The following PPP4R2 variants were observed in gnomAD, a reference collection of about 807,000 sequenced individuals.
PPP4R2 encodes serine/threonine-protein phosphatase 4 regulatory subunit 2.
A neutral mutation model predicts 47.2 loss-of-function variants in PPP4R2; 13 were observed. The observed-to-expected ratio is 0.28, with a 90% confidence interval of 0.18 to 0.44. The LOEUF (loss-of-function observed/expected upper bound fraction) is 0.44. Among genes scored for constraint, PPP4R2 ranks in the 20% least tolerant of loss-of-function variants. The pLI is 1.00. For synonymous variants in PPP4R2, 151 were observed against 163.3 expected (o/e 0.92, Z 0.57); for missense variants, 421 against 491.2 (o/e 0.86, Z 1.35).
At chr3:73,010,222 T>G (rs1701694986) in intron 2 of PPP4R2, among the ~76,000 whole-genome samples, 1 of 150,776 alleles carries the variant, frequency 6.6e-6, no homozygotes, top group Admixed American at 6.6e-5. Context: ...ATAGAAAACT[T>G]TTTTGTTTTG....
intron 2 of PPP4R2, among the ~76,000 whole-genome samples, chr3:73,045,576 G>A (rs1203094135): frequency 2.7e-5 from 4 of 148,044 alleles, no homozygotes; most frequent in Non-Finnish European, 5.9e-5. Flanking sequence ...CCGGGCTGGC[G>A]TGCAGTGATG....
chr3:73,065,284 G>A (rs1200059660), intron 8 of PPP4R2, 113 bp from the exon 9 acceptor site: 7 of 1,306,284 alleles, frequency 5.4e-6, no homozygotes, highest in Non-Finnish European at 7.2e-6. Flanking sequence ...TGTAGTTGCT[G>A]CTGAATTTCA....
intron 2 of PPP4R2, among the ~76,000 whole-genome samples, chr3:73,041,491 CTGAT>C (rs1559560354): frequency 6.6e-6 from 1 of 152,198 alleles, no homozygotes; most frequent in African/African-American, 2.4e-5. Context: ...TTTAAGTCAT[CTGAT>C]TGAAATATCT....
intron 2 of PPP4R2, among the ~76,000 whole-genome samples, chr3:73,010,316 G>T (rs574550988): frequency 2.0e-5 from 3 of 152,014 alleles, no homozygotes; most frequent in Non-Finnish European, 4.4e-5. Context: ...TTGACCTCCC[G>T]GGCTTAAATG....
chr3:73,004,893 G>T (rs1477726047), intron 2 of PPP4R2, among the ~76,000 whole-genome samples: 1 of 147,238 alleles, frequency 6.8e-6, no homozygotes, highest in Non-Finnish European at 1.5e-5. Context: ...TTGTGTGTGT[G>T]TGTTTTGAGT....
rs186081195 is a variant in PPP4R2, at chr3:73,000,593, T to C, written c.116+2435T>C. On this transcript the variant is annotated intron_variant, in intron 2 of 8. Coordinates refer to ENST00000356692, the MANE Select transcript of PPP4R2 (RefSeq NM_174907.4). ...GCCGTAGGAAAAATTTGAACATTTT[T>C]ACTTCTTAGTCTATTAAAATTACCT... is the stretch of plus-strand genomic sequence containing the variant. Among the ~76,000 whole-genome samples, 1,404 of 152,344 alleles carry C rather than the reference T, an allele frequency of 9.2e-3. 11 individuals carry two copies. The highest frequency in any genetic ancestry group is 0.015 in the Non-Finnish European group (997 of 68,028).
intron 2 of PPP4R2, among the ~76,000 whole-genome samples, chr3:73,001,102 A>T (rs1363601238): frequency 6.6e-6 from 1 of 152,122 alleles, no homozygotes; most frequent in African/African-American, 2.4e-5. Context: ...GATATTTCTC[A>T]AGAAGACCTG....
At position 73,052,543 on chromosome 3, in the gene PPP4R2, G is replaced by C. The variant is rs564704750; in HGVS notation, c.287+5187G>C. 5.3e-5 allele frequency among the ~76,000 whole-genome samples: 8 copies of C among 150,788 alleles called. No individual in the cohort carries two copies. The East Asian group carries it at 1.6e-3, about 29-fold the overall frequency. On this transcript the variant is annotated intron_variant, in intron 3 of 8. Coordinates refer to ENST00000356692, the MANE Select transcript of PPP4R2 (RefSeq NM_174907.4). ...AATATAATTTAGGAATTGCTAATAGGTAATGGTTCATTCCTATAATGGTAT... is the reference window on the plus strand; with the variant it reads ...AATATAATTTAGGAATTGCTAATAGCTAATGGTTCATTCCTATAATGGTAT...
intron 3 of PPP4R2, among the ~76,000 whole-genome samples, chr3:73,050,619 T>A (rs1041402157): frequency 1.3e-5 from 2 of 152,202 alleles, no homozygotes; most frequent in Non-Finnish European, 2.9e-5. Flanking sequence ...AGATCCCCAC[T>A]GTTACAGAAG....
intron 3 of PPP4R2, among the ~76,000 whole-genome samples, chr3:73,048,087 G>A (rs963572375): frequency 1.3e-5 from 2 of 152,132 alleles, no homozygotes. Context: ...ATGTTAGCCA[G>A]GATGGTCTCG....
At chr3:73,034,792 C>T (rs1200483220) in intron 2 of PPP4R2, among the ~76,000 whole-genome samples, 1 of 151,638 alleles carries the variant, frequency 6.6e-6, no homozygotes, top group Non-Finnish European at 1.5e-5. Context: ...CTCAGCCTTC[C>T]AAAGTGTTGG....
chr3:73,023,805 T>C (rs1157227069), intron 2 of PPP4R2, among the ~76,000 whole-genome samples: 1 of 152,172 alleles, frequency 6.6e-6, no homozygotes. Flanking sequence ...AATGAAAGTA[T>C]ACTTGAGCAA....
At chr3:73,002,527 T>G (rs1701490787) in intron 2 of PPP4R2, among the ~76,000 whole-genome samples, 2 of 151,954 alleles carry the variant, frequency 1.3e-5, no homozygotes, top group Non-Finnish European at 2.9e-5. Context: ...TTACAAAGCA[T>G]GAGCCATTGC....
intron 2 of PPP4R2, among the ~76,000 whole-genome samples, chr3:73,013,548 TAC>T (rs1400834426): frequency 2.6e-5 from 4 of 152,168 alleles, no homozygotes; most frequent in Non-Finnish European, 5.9e-5. Flanking sequence ...GAATGTTCTG[TAC>T]ACATAAGTGT....
At chr3:73,055,504 G>T (rs2107326534) in intron 3 of PPP4R2, among the ~76,000 whole-genome samples, 1 of 151,050 alleles carries the variant, frequency 6.6e-6, no homozygotes, top group Non-Finnish European at 1.5e-5. Flanking sequence ...TAATGTGTGG[G>T]GCGGGGGGTT....
At chr3:73,036,749 G>A (rs778314518) in intron 2 of PPP4R2, among the ~76,000 whole-genome samples, 2 of 151,982 alleles carry the variant, frequency 1.3e-5, no homozygotes, top group African/African-American at 4.8e-5. Context: ...TATTACTTAC[G>A]TGATTGGCAT....
At position 73,037,884 on chromosome 3, in the gene PPP4R2, A is replaced by G. The variant is rs531798992; in HGVS notation, c.117-9302A>G. 6.6e-5 allele frequency among the ~76,000 whole-genome samples: 10 copies of G among 152,296 alleles called. 1 individual carries two copies. Among genetic ancestry groups the G allele is most frequent in the African/African-American group, 2.4e-4 (10 of 41,562 alleles). On this transcript the variant is annotated intron_variant, in intron 2 of 8. Coordinates refer to ENST00000356692, the MANE Select transcript of PPP4R2 (RefSeq NM_174907.4). ...TAATATCTGTAAGTCTGGTTTTCCAAATGAATTTTGTTTTATTGTTTTAAG... is the reference window on the plus strand; with the variant it reads ...TAATATCTGTAAGTCTGGTTTTCCAGATGAATTTTGTTTTATTGTTTTAAG...
chr3:73,058,412 A>G (rs778121141), intron 3 of PPP4R2, among the ~76,000 whole-genome samples: 1 of 152,092 alleles, frequency 6.6e-6, no homozygotes, highest in African/African-American at 2.4e-5. Context: ...TTGTAAACTT[A>G]AAAATCAAAT....
chr3:73,003,633 A>T (rs1701531769), intron 2 of PPP4R2, among the ~76,000 whole-genome samples: 1 of 152,130 alleles, frequency 6.6e-6, no homozygotes, highest in African/African-American at 2.4e-5. Flanking sequence ...GGTTGTCTGA[A>T]TGAAGCTTAT....
Sources: allele counts gnomAD v4.1 joint callset (sites outside exome capture counted in the v4.1 genomes callset), GRCh38; gene constraint gnomAD v4.1.1; transcripts MANE v1.5; gene names NCBI Gene and HGNC (gene_info 2026-07-23, HGNC 2026-07-21).